EMC8: variants seen among roughly 807,000 people sequenced by gnomAD.
The protein encoded by EMC8 is COX4 neighbor.
A neutral mutation model predicts 24.3 loss-of-function variants in EMC8; 11 were observed. The ratio of observed to expected loss-of-function variants is 0.45; its 90% CI spans 0.28 to 0.75. EMC8 has a LOEUF of 0.75. Ranked by LOEUF, EMC8 falls within the 30% of genes least tolerant of loss-of-function variation. EMC8 has a pLI of 0.12. For missense variants in EMC8, 277 were observed against 282.7 expected (o/e 0.98, Z 0.14); for synonymous variants, 145 against 117.7 (o/e 1.23, Z -1.50).
Position 85,799,359 on chromosome 16 carries a change from C to T in EMC8, c.-64G>A. The T allele has an allele frequency of 9.6e-7, 1 of 1,042,916 alleles. No homozygotes were observed. The allele number at this position is 1,042,916 out of a possible 1,614,324, so 64.6% of individuals were successfully genotyped here. On this transcript the variant is annotated 5_prime_UTR_variant, in exon 1 of 5. Coordinates refer to ENST00000253457, the MANE Select transcript of EMC8 (RefSeq NM_006067.5). This position sits in a 1 kb window ranked among gnomAD's most constrained non-coding sequence, Gnocchi z 4.2. ...GCTGAGGCCTGGACCCGCTGCCTGG[C>T]CGCGCGGCGCCTCAGCCGAGAAGCG...
chr16:85,785,584 C>T (rs1404984408), intron 2 of EMC8, among the ~76,000 whole-genome samples: 4 of 151,080 alleles, frequency 2.6e-5, no homozygotes, highest in South Asian at 2.1e-4. Flanking sequence ...GCCACCGCCC[C>T]GCCAAAAAAA....
At chr16:85,788,609 C>T (rs990886280) in intron 2 of EMC8, among the ~76,000 whole-genome samples, 16 of 152,344 alleles carry the variant, frequency 1.1e-4, no homozygotes, top group South Asian at 2.1e-4. Flanking sequence ...GTCTATTTAC[C>T]GGCAAATAGA....
chr16:85,797,916 G>A (rs1905313576), intron 1 of EMC8, among the ~76,000 whole-genome samples: 1 of 152,134 alleles, frequency 6.6e-6, no homozygotes. Context: ...CAACTCGATG[G>A]AATTTATAGA....
intron 1 of EMC8, chr16:85,792,776 C>T (rs1447237775): frequency 6.6e-6 from 1 of 152,192 alleles, no homozygotes; most frequent in African/African-American, 2.4e-5. Flanking sequence ...AACTAGCTTC[C>T]TCCGAAGCGA....
At chr16:85,786,519 A>C (rs766973078) in intron 2 of EMC8, among the ~76,000 whole-genome samples, 1 of 152,180 alleles carries the variant, frequency 6.6e-6, no homozygotes, top group Non-Finnish European at 1.5e-5. Flanking sequence ...ATAGCACGGC[A>C]TTACCTACCT....
chr16:85,794,887 G>A (rs1905184705), intron 1 of EMC8, among the ~76,000 whole-genome samples: 1 of 152,136 alleles, frequency 6.6e-6, no homozygotes, highest in Non-Finnish European at 1.5e-5. Context: ...GGTCAGAGTG[G>A]GCCCCTGCGG....
chr16:85,792,021 T>C (rs1567832294), intron 1 of EMC8, among the ~76,000 whole-genome samples: 1 of 152,234 alleles, frequency 6.6e-6, no homozygotes, highest in Non-Finnish European at 1.5e-5. Flanking sequence ...TATTTTTTAC[T>C]TAGCTACAGG....
chr16:85,787,025 C>T (rs1190866196), intron 2 of EMC8, among the ~76,000 whole-genome samples: 6 of 152,220 alleles, frequency 3.9e-5, no homozygotes, highest in East Asian at 1.9e-4. Context: ...GGGACAGCCA[C>T]GGCAGACACT....
intron 1 of EMC8, among the ~76,000 whole-genome samples, chr16:85,794,962 C>T (rs1279941191): frequency 6.6e-6 from 1 of 152,172 alleles, no homozygotes; most frequent in East Asian, 1.9e-4. Context: ...TCTTTCCTCC[C>T]TGGTAAGTGG....
intron 2 of EMC8, among the ~76,000 whole-genome samples, chr16:85,783,713 T>C (rs1904618678): frequency 6.6e-6 from 1 of 152,172 alleles, no homozygotes; most frequent in Non-Finnish European, 1.5e-5. Flanking sequence ...CTGCCTCACA[T>C]GCCCGTCTTG....
In EMC8 at chr16:85,779,536, CTG is replaced by C; in HGVS notation, c.*170_*171del. ...GATGTCTGCACCTCTTCTAGAGACT[CTG>C]TGTTAAAAACACGACCGACTGAACA... is the stretch of plus-strand genomic sequence containing the variant. On this transcript the variant is annotated 3_prime_UTR_variant, in exon 5 of 5. Transcript: ENST00000253457. 4.9e-6 allele frequency: 3 copies of C among 614,922 alleles called. No homozygotes were observed. The highest frequency in any genetic ancestry group is 1.9e-5 in the South Asian group (1 of 52,594). The allele number at this position is 614,922 out of a possible 1,614,324, so 38.1% of individuals were successfully genotyped here. A position where few individuals can be genotyped will look rare whatever the true frequency, so the allele number is the denominator to read the frequency against.
Position 85,780,463 on chromosome 16 carries a change from G to C in EMC8, c.389C>G (p.Thr130Ser). ...SDTALIMVDN[T>S]KFTMDCVAPT... The stretch of plus-strand genomic sequence containing the variant: ...CGCTACGCAGTCCATCGTAAACTTG[G>C]TGTTGTCTACCTGAGCACAAGGCAA... The change falls in exon 4 of 5, where the codon ACC becomes AGC. Residue 130 changes from threonine to serine, a missense_variant. Thr to Ser is a moderately conservative substitution (Grantham distance 58). Coordinates refer to ENST00000253457, the MANE Select transcript of EMC8 (RefSeq NM_006067.5). The C allele has an allele frequency of 1.2e-6, 2 of 1,613,574 alleles. No homozygotes were observed. Among genetic ancestry groups the C allele is most frequent in the Non-Finnish European group, 1.7e-6 (2 of 1,179,572 alleles).
chr16:85,782,104 G>A (rs954218735), intron 2 of EMC8, among the ~76,000 whole-genome samples: 1 of 152,292 alleles, frequency 6.6e-6, no homozygotes, highest in African/African-American at 2.4e-5. Flanking sequence ...CGCCTGAAGC[G>A]GGCAGTGAAA....
In EMC8 at chr16:85,799,297, C is replaced by G. The variant is rs955836972; in HGVS notation, c.-2G>C. ...GGTGGTCAGTTTCACCCCGGGCATG[C>G]TGACCCGGGAGGGCCCCGGAGGCCC... On this transcript the variant is annotated 5_prime_UTR_variant, in exon 1 of 5. Transcript: ENST00000253457. This position sits in a 1 kb window ranked among gnomAD's most constrained non-coding sequence, Gnocchi z 4.2. 10 of 1,595,434 alleles carry G rather than the reference C, an allele frequency of 6.3e-6. No homozygotes were observed. The highest frequency in any genetic ancestry group is 8.5e-6 in the Non-Finnish European group (10 of 1,173,592).
intron 1 of EMC8, among the ~76,000 whole-genome samples, chr16:85,795,877 T>C (rs1253935345): frequency 6.6e-6 from 1 of 152,094 alleles, no homozygotes; most frequent in African/African-American, 2.4e-5. Flanking sequence ...TATCTCCAGG[T>C]AGGCAGTGTC....
At position 85,779,501 on chromosome 16, in the gene EMC8, A is replaced by G; in HGVS notation, c.*207T>C. On this transcript the variant is annotated 3_prime_UTR_variant, in exon 5 of 5. Transcript: ENST00000253457. ...TACAACTGAGAGAGTCCACAGGGAC[A>G]GTCAGACGGGATGTCTGCACCTCTT... is the stretch of plus-strand genomic sequence containing the variant. 1.9e-6 allele frequency: 1 copy of G among 534,666 alleles called. No individual in the cohort carries two copies. The highest frequency in any genetic ancestry group is 3.4e-6 in the Non-Finnish European group (1 of 297,050). 33.1% of individuals were successfully genotyped at this position (534,666 alleles called of 1,614,324 possible).
At chr16:85,787,831 G>C (rs1904823208) in intron 2 of EMC8, among the ~76,000 whole-genome samples, 1 of 152,196 alleles carries the variant, frequency 6.6e-6, no homozygotes, top group African/African-American at 2.4e-5. Flanking sequence ...CCTAGGGTAA[G>C]ATAATTATGT....
chr16:85,794,268 A>C (rs1449015583), intron 1 of EMC8, among the ~76,000 whole-genome samples: 1 of 152,182 alleles, frequency 6.6e-6, no homozygotes, highest in Non-Finnish European at 1.5e-5. Flanking sequence ...TGAAGTACAA[A>C]ATTTGTGGAT....
intron 3 of EMC8, 169 bp downstream of exon 3, chr16:85,781,042 C>G: frequency 1.7e-6 from 1 of 597,924 alleles, no homozygotes; most frequent in Non-Finnish European, 3.0e-6. Flanking sequence ...GAAGCCATGG[C>G]CTGGGATTCA....
Sources: allele counts gnomAD v4.1 joint callset (sites outside exome capture counted in the v4.1 genomes callset), GRCh38; gene constraint gnomAD v4.1.1; non-coding constraint Gnocchi (gnomAD v3.1); transcripts MANE v1.5; gene names NCBI Gene and HGNC (gene_info 2026-07-23, HGNC 2026-07-21).